The following CHD9 variants were observed in gnomAD, a reference collection of about 807,000 sequenced individuals.
The protein encoded by CHD9 is chromodomain helicase DNA binding protein 9.
In CHD9, 77 loss-of-function variants were observed where a neutral mutation model predicts 316.1. That is an observed-to-expected ratio of 0.24 (90% CI 0.20 to 0.29). CHD9 has a LOEUF of 0.29. Among genes scored for constraint, CHD9 ranks in the 10% least tolerant of loss-of-function variants. The probability of loss-of-function intolerance (pLI) is 1.00; values close to 1 mark genes in which losing one functional copy is unlikely to be tolerated. For synonymous variants in CHD9, 1,129 were observed against 1,158.3 expected (o/e 0.97, Z 0.51); for missense variants, 2,763 against 3,438.1 (o/e 0.80, Z 4.91).
intron 2 of CHD9, among the ~76,000 whole-genome samples, chr16:53,199,382 T>C (rs950365074): frequency 5.9e-5 from 9 of 152,308 alleles, no homozygotes; most frequent in African/African-American, 1.7e-4. Flanking sequence ...TTAATATATA[T>C]TCATATAGAC....
chr16:53,288,910 G>T (rs1039085538), intron 27 of CHD9, among the ~76,000 whole-genome samples: 7 of 151,360 alleles, frequency 4.6e-5, no homozygotes, highest in African/African-American at 1.5e-4. Flanking sequence ...TCCTTTACTG[G>T]TAATATATCT....
At chr16:53,280,192 A>T (rs2053268398) in intron 24 of CHD9, among the ~76,000 whole-genome samples, 1 of 152,110 alleles carries the variant, frequency 6.6e-6, no homozygotes, top group Non-Finnish European at 1.5e-5. Context: ...GAGGAAAAGA[A>T]GTCATTATAT....
intron 1 of CHD9, among the ~76,000 whole-genome samples, chr16:53,102,010 T>C (rs761757656): frequency 9.2e-5 from 14 of 152,298 alleles, no homozygotes; most frequent in Middle Eastern, 3.4e-3. Context: ...TGTAGAATTG[T>C]TGGGCCGCTT....
At chr16:53,242,183 A>G (rs2049162409) in intron 12 of CHD9, among the ~76,000 whole-genome samples, 1 of 152,112 alleles carries the variant, frequency 6.6e-6, no homozygotes, top group Admixed American at 6.6e-5. Context: ...CTCTATACAA[A>G]AACTGCAGTT....
rs1161494544 is a variant in CHD9, at chr16:53,073,715, T to C, written c.-165+18638T>C. Among the ~76,000 whole-genome samples, 6 of 152,342 alleles carry C rather than the reference T, an allele frequency of 3.9e-5. 1 individual carries two copies. In the East Asian group the frequency reaches 7.7e-4, roughly 20 times the overall value. On this transcript the variant is annotated intron_variant, in intron 1 of 38. Coordinates refer to ENST00000447540, the MANE Select transcript of CHD9 (RefSeq NM_001308319.2). ...TTTATCAGGGGTTTTTGCTTTTGCA[T>C]CTTTCTCATTTTCTCTAACTGCTGC...
intron 3 of CHD9, among the ~76,000 whole-genome samples, chr16:53,222,363 C>T (rs1316544376): frequency 2.6e-5 from 4 of 152,138 alleles, no homozygotes; most frequent in Non-Finnish European, 4.4e-5. Flanking sequence ...TGAGCCACTG[C>T]GCCTGGCCTA....
chr16:53,109,964 G>A (rs1268459401), intron 1 of CHD9, among the ~76,000 whole-genome samples: 1 of 152,126 alleles, frequency 6.6e-6, no homozygotes, highest in Non-Finnish European at 1.5e-5. Context: ...GATTACAGGC[G>A]TGAGCCACTG....
intron 1 of CHD9, among the ~76,000 whole-genome samples, chr16:53,098,447 G>C (rs1356366741): frequency 7.0e-6 from 1 of 142,152 alleles, no homozygotes; most frequent in East Asian, 2.1e-4. Flanking sequence ...CCCCACTCCA[G>C]CCTGGGCAAC....
At chr16:53,063,206 C>T (rs1038008219) in intron 1 of CHD9, among the ~76,000 whole-genome samples, 7 of 151,932 alleles carry the variant, frequency 4.6e-5, no homozygotes, top group African/African-American at 1.7e-4. Flanking sequence ...GACTCTTTGC[C>T]CCATGTTACT....
intron 9 of CHD9, 69 bp from the exon 10 acceptor site, chr16:53,231,578 T>C: frequency 7.2e-7 from 1 of 1,392,008 alleles, no homozygotes; most frequent in Non-Finnish European, 9.9e-7. Context: ...CCTAGTACTT[T>C]ATTCTCTGTT....
At chr16:53,123,356 C>T (rs949647714) in intron 1 of CHD9, among the ~76,000 whole-genome samples, 1 of 151,954 alleles carries the variant, frequency 6.6e-6, no homozygotes, top group African/African-American at 2.4e-5. Context: ...TTCTTCATCC[C>T]CCTTCTCCCA....
chr16:53,142,405 A>G (rs1249408127), intron 1 of CHD9, among the ~76,000 whole-genome samples: 1 of 152,208 alleles, frequency 6.6e-6, no homozygotes, highest in East Asian at 1.9e-4. Context: ...CCCATCCCGA[A>G]TATTTTCTTT....
chr16:53,177,667 C>T (rs2043181386), intron 2 of CHD9, among the ~76,000 whole-genome samples: 1 of 152,130 alleles, frequency 6.6e-6, no homozygotes, highest in Non-Finnish European at 1.5e-5. Flanking sequence ...TGCAGTCTTA[C>T]TCCTAATTTT....
intron 3 of CHD9, among the ~76,000 whole-genome samples, chr16:53,218,184 T>G (rs538430675): frequency 5.3e-4 from 80 of 152,304 alleles, no homozygotes; most frequent in African/African-American, 1.9e-3. Context: ...AGTTAGAATC[T>G]GAAAACGATT....
chr16:53,166,237 C>T (rs548245213), intron 2 of CHD9, among the ~76,000 whole-genome samples: 27 of 152,132 alleles, frequency 1.8e-4, no homozygotes, highest in Non-Finnish European at 2.9e-4. Flanking sequence ...AAGCTTTGTA[C>T]TGCCTGTCAG....
In CHD9 at chr16:53,267,283, C is replaced by A; in HGVS notation, c.4321-11C>A. On this transcript the variant is annotated splice_polypyrimidine_tract_variant and intron_variant, in intron 20 of 38. Transcript: ENST00000447540. ...AAAGTACCTTCAGGTAATAGCAGTT[C>A]TGTTTTACAGAACAGCTTGGTTATT... 4.4e-6 allele frequency: 7 copies of A among 1,578,416 alleles called. No individual in the cohort carries two copies. Among genetic ancestry groups the A allele is most frequent in the Non-Finnish European group, 6.0e-6 (7 of 1,160,950 alleles).
At chr16:53,209,034 C>T (rs1368067361) in intron 2 of CHD9, among the ~76,000 whole-genome samples, 1 of 152,026 alleles carries the variant, frequency 6.6e-6, no homozygotes, top group African/African-American at 2.4e-5. Flanking sequence ...AGTCGTAAAG[C>T]AGAGGTTTTA....
chr16:53,269,193 T>C (rs1597733927), intron 22 of CHD9, among the ~76,000 whole-genome samples: 1 of 152,188 alleles, frequency 6.6e-6, no homozygotes, highest in Non-Finnish European at 1.5e-5. Flanking sequence ...TACTTTTTGC[T>C]CCTTAGCCTT....
chr16:53,322,959 C>A (rs141095518), intron 38 of CHD9, among the ~76,000 whole-genome samples: 1 of 152,018 alleles, frequency 6.6e-6, no homozygotes, highest in African/African-American at 2.4e-5. Context: ...GCCCTGATGC[C>A]TTTGTAAAGA....
Sources: gnomAD v4.1 joint callset for allele counts (sites outside exome capture counted in the v4.1 genomes callset) on GRCh38, gnomAD v4.1.1 for gene constraint, MANE v1.5 for transcripts, NCBI Gene and HGNC (gene_info 2026-07-23, HGNC 2026-07-21) for gene names.